The following JMJD1C variants were observed in gnomAD, a reference collection of about 807,000 sequenced individuals.
JMJD1C encodes jumonji domain-containing protein 1C.
In JMJD1C, 31 loss-of-function variants were observed where a neutral mutation model predicts 245.3. The observed-to-expected ratio is 0.13, with a 90% CI of 0.09 to 0.17. The LOEUF (loss-of-function observed/expected upper bound fraction) is 0.17. Ranked by LOEUF, JMJD1C falls within the 10% of genes least tolerant of loss-of-function variation. The probability of loss-of-function intolerance (pLI) is 1.00; values close to 1 mark genes in which losing one functional copy is unlikely to be tolerated. For missense variants in JMJD1C, 2,691 were observed against 3,000.2 expected (o/e 0.90, Z 2.41); for synonymous variants, 1,057 against 1,017.4 (o/e 1.04, Z -0.74).
At chr10:63,185,971 G>A (rs1231322052) in intron 19 of JMJD1C, among the ~76,000 whole-genome samples, 2 of 152,108 alleles carry the variant, frequency 1.3e-5, no homozygotes, top group African/African-American at 4.8e-5. Context: ...ATTTTCAAAA[G>A]CTTATGGAAC....
intron 3 of JMJD1C, among the ~76,000 whole-genome samples, chr10:63,232,720 T>C (rs1177455132): frequency 1.3e-5 from 2 of 152,204 alleles, no homozygotes; most frequent in East Asian, 1.9e-4. Context: ...TGAGAAATTA[T>C]GAAATGGTAA....
Position 63,214,584 on chromosome 10 carries a change from G to A in JMJD1C, c.1583C>T (p.Thr528Ile). Residue 528 changes from threonine to isoleucine, a missense_variant, in exon 8 of 26, where the codon ACC becomes ATC. By Grantham distance (89) the Thr-to-Ile change is moderately conservative. Coordinates refer to ENST00000399262, the MANE Select transcript of JMJD1C (RefSeq NM_032776.3). The part of the protein sequence containing the change: ...LEKVAQENSS[T>I]FGLQTLQKMD... ...TTTCTGAAGTGTCTGAAGGCCAAAG[G>A]TACTTGAGTTTTCCTGAGCCACCTT... 1 of 1,614,042 alleles carries A rather than the reference G, an allele frequency of 6.2e-7. No individual in the cohort carries two copies. The highest frequency in any genetic ancestry group is 8.5e-7 in the Non-Finnish European group (1 of 1,179,980).
chr10:63,286,412 G>A (rs996340750), intron 2 of JMJD1C, among the ~76,000 whole-genome samples: 8 of 152,206 alleles, frequency 5.3e-5, no homozygotes, highest in Non-Finnish European at 1.0e-4. Context: ...CATTGCGACC[G>A]TGAACACGGT....
intron 1 of JMJD1C, among the ~76,000 whole-genome samples, chr10:63,397,334 C>T (rs1294227881): frequency 6.6e-6 from 1 of 151,948 alleles, no homozygotes; most frequent in East Asian, 1.9e-4. Flanking sequence ...CTGCCTCAGC[C>T]CCCCGGATAG....
At position 63,207,734 on chromosome 10, in the gene JMJD1C, C is replaced by T; in HGVS notation, c.3935G>A (p.Ser1312Asn). ...TGCTGGCATACTATCAGTTTTTGTA[C>T]TAGAAGATGGACGCACAATGACAGA... Reference protein sequence around the residue: ...MASVIVRPSSSTKTDSMPAMQ... With the variant: ...MASVIVRPSSNTKTDSMPAMQ... The change falls in exon 10 of 26, where the codon AGT (serine) becomes AAT (asparagine). Residue 1312 changes from serine (S) to asparagine (N), a missense_variant. This residue lies in a region of JMJD1C where 1,562 missense variants were observed against 1,490.7 expected (regional missense o/e 1.05). Coordinates refer to ENST00000399262, the MANE Select transcript of JMJD1C (RefSeq NM_032776.3). The T allele has an allele frequency of 1.2e-6, 2 of 1,614,182 alleles. No individual in the cohort carries two copies. Among genetic ancestry groups the T allele is most frequent in the East Asian group, 2.2e-5 (1 of 44,880 alleles).
rs760726872 is a variant in JMJD1C, at chr10:63,215,550, T to C, written c.822+3A>G. ...AGAAATTCATCCCTAATAACATACA[T>C]ACGTGAACAGCGTTGACGTTTTGAT... On this transcript the variant is annotated splice_donor_region_variant and intron_variant, in intron 6 of 25. Coordinates refer to ENST00000399262, the MANE Select transcript of JMJD1C (RefSeq NM_032776.3). The C allele has an allele frequency of 3.1e-6, 5 of 1,609,632 alleles. No homozygotes were observed. Among genetic ancestry groups the C allele is most frequent in the Non-Finnish European group, 4.3e-6 (5 of 1,176,348 alleles).
intron 18 of JMJD1C, among the ~76,000 whole-genome samples, chr10:63,188,694 T>A (rs1844420984): frequency 6.6e-6 from 1 of 152,194 alleles, no homozygotes; most frequent in Non-Finnish European, 1.5e-5. Flanking sequence ...TAGAGGAGAA[T>A]GAAACAATAT....
chr10:63,244,574 T>C (rs557877076), intron 3 of JMJD1C, among the ~76,000 whole-genome samples: 1 of 152,174 alleles, frequency 6.6e-6, no homozygotes, highest in African/African-American at 2.4e-5. Flanking sequence ...AAAACAGTGA[T>C]TGACCCTAAC....
intron 1 of JMJD1C, among the ~76,000 whole-genome samples, chr10:63,433,009 C>T: frequency 6.6e-6 from 1 of 152,108 alleles, no homozygotes; most frequent in South Asian, 2.1e-4. Flanking sequence ...TGTCAACCTA[C>T]CATAGGTTAT....
intron 1 of JMJD1C, among the ~76,000 whole-genome samples, chr10:63,454,712 T>G (rs1952297393): frequency 6.6e-6 from 1 of 152,236 alleles, no homozygotes; most frequent in Admixed American, 6.5e-5. Context: ...ATTACAGGCA[T>G]GAGCTACTGC....
At chr10:63,345,227 C>T (rs1295773966) in intron 2 of JMJD1C, among the ~76,000 whole-genome samples, 1 of 152,126 alleles carries the variant, frequency 6.6e-6, no homozygotes, top group Non-Finnish European at 1.5e-5. Context: ...TGGCTAACGC[C>T]TGTAATCCCA....
chr10:63,351,854 T>C (rs1944392661), intron 2 of JMJD1C, among the ~76,000 whole-genome samples: 1 of 152,162 alleles, frequency 6.6e-6, no homozygotes, highest in East Asian at 1.9e-4. Context: ...TATGAATTCA[T>C]TCACATCATT....
intron 22 of JMJD1C, among the ~76,000 whole-genome samples, chr10:63,178,905 A>G (rs1843133242): frequency 6.6e-6 from 1 of 152,258 alleles, no homozygotes; most frequent in Non-Finnish European, 1.5e-5. Context: ...AAAATTTTGT[A>G]TAAATTTAAG....
intron 10 of JMJD1C, chr10:63,204,537 A>G (rs898211219): frequency 1.0e-6 from 1 of 985,310 alleles, no homozygotes; most frequent in Non-Finnish European, 1.2e-6. Context: ...AACACCCAAC[A>G]CCAAAGGAAA....
At chr10:63,334,780 C>A (rs540870270) in intron 2 of JMJD1C, among the ~76,000 whole-genome samples, 1 of 146,470 alleles carries the variant, frequency 6.8e-6, no homozygotes, top group Admixed American at 6.8e-5. Context: ...GTGATCTCAG[C>A]TTACTGCAAC....
chr10:63,421,440 TG>T (rs1950120779), intron 1 of JMJD1C, among the ~76,000 whole-genome samples: 1 of 152,174 alleles, frequency 6.6e-6, no homozygotes, highest in Non-Finnish European at 1.5e-5. Flanking sequence ...AGATTTGTGA[TG>T]ATTGGGAAGT....
chr10:63,447,220 G>C (rs1951771924), intron 1 of JMJD1C, among the ~76,000 whole-genome samples: 1 of 152,038 alleles, frequency 6.6e-6, no homozygotes, highest in South Asian at 2.1e-4. Flanking sequence ...GCCTCCCATA[G>C]AGCACATCAC....
intron 1 of JMJD1C, among the ~76,000 whole-genome samples, chr10:63,473,392 C>A (rs1953555522): frequency 1.3e-5 from 2 of 151,930 alleles, no homozygotes; most frequent in African/African-American, 2.4e-5. Context: ...ATTACAGGCA[C>A]ACAGCACCAC....
At chr10:63,335,802 C>T (rs901537617) in intron 2 of JMJD1C, among the ~76,000 whole-genome samples, 5 of 151,902 alleles carry the variant, frequency 3.3e-5, no homozygotes, top group Non-Finnish European at 7.4e-5. Flanking sequence ...TGAACCACGG[C>T]GCCTGGCATA....
Sources: gnomAD v4.1 joint callset for allele counts (sites outside exome capture counted in the v4.1 genomes callset) on GRCh38, gnomAD v4.1.1 for gene constraint, gnomAD v4.1.1 regional missense constraint, MANE v1.5 for transcripts, NCBI Gene and HGNC (gene_info 2026-07-23, HGNC 2026-07-21) for gene names.